The following PAK5 variants were observed in gnomAD, a reference collection of about 807,000 sequenced individuals.
PAK5 encodes serine/threonine-protein kinase PAK 5.
PAK5 carries 16 observed loss-of-function variants against 65.9 expected under a neutral mutation model. The ratio of observed to expected loss-of-function variants is 0.24; its 90% CI spans 0.16 to 0.37. The LOEUF is 0.37. Ranked by LOEUF, PAK5 falls within the 10% of genes least tolerant of loss-of-function variation. The pLI, the probability that PAK5 is intolerant of heterozygous loss-of-function variation, is 1.00. For missense variants in PAK5, 785 were observed against 903.9 expected, an observed-to-expected ratio of 0.87 and a Z score of 1.69; for synonymous variants, 371 against 354.9, an observed-to-expected ratio of 1.05 and a Z score of -0.51.
intron 1 of PAK5, among the ~76,000 whole-genome samples, chr20:9,744,798 G>T (rs2048488043): frequency 6.6e-6 from 1 of 152,078 alleles, no homozygotes; most frequent in African/African-American, 2.4e-5. Context: ...CCTCAGCATG[G>T]TTTCTTGTTT....
intron 2 of PAK5, among the ~76,000 whole-genome samples, chr20:9,701,979 A>G (rs1163807100): frequency 6.6e-6 from 1 of 152,114 alleles, no homozygotes; most frequent in Non-Finnish European, 1.5e-5. Flanking sequence ...CAGCCTGCAC[A>G]ACAGAGAGAC....
chr20:9,837,647 A>G (rs1347849993), intron 1 of PAK5, among the ~76,000 whole-genome samples: 1 of 152,180 alleles, frequency 6.6e-6, no homozygotes, highest in Non-Finnish European at 1.5e-5. Context: ...ATCAGGTAAG[A>G]GAAAGAGTGT....
rs547355570 is a variant in PAK5, at chr20:9,582,967, CT to C, written c.205-2038del. 3.4e-3 allele frequency among the ~76,000 whole-genome samples: 515 copies of C among 152,180 alleles called. 5 individuals carry two copies. The highest frequency in any genetic ancestry group is 0.011 in the African/African-American group (463 of 41,518). On this transcript the variant is annotated intron_variant, in intron 3 of 9. Coordinates refer to ENST00000353224, the MANE Select transcript of PAK5 (RefSeq NM_177990.4). ...CTTTTATTTTTTGAGCACTTCCTTA[CT>C]TTCTGTCCCTACAAGAAGCTCCAGG...
chr20:9,777,795 C>G (rs6039574), intron 1 of PAK5, among the ~76,000 whole-genome samples: 122,792 of 152,200 alleles, frequency 0.81, 49,969 homozygotes, highest in African/African-American at 0.93. Context: ...CAGTGGTGCT[C>G]CTGCTCTTTT....
chr20:9,598,810 T>A (rs956079059), intron 3 of PAK5, among the ~76,000 whole-genome samples: 3 of 152,204 alleles, frequency 2.0e-5, no homozygotes, highest in Non-Finnish European at 4.4e-5. Flanking sequence ...GGGCTGTATG[T>A]TTTTTTCTTT....
At chr20:9,699,201 A>T (rs2047907222) in intron 2 of PAK5, among the ~76,000 whole-genome samples, 1 of 152,114 alleles carries the variant, frequency 6.6e-6, no homozygotes, top group Non-Finnish European at 1.5e-5. Flanking sequence ...CACAGTCCTG[A>T]TTGTAATATT....
chr20:9,621,772 C>T (rs954309991), intron 3 of PAK5, among the ~76,000 whole-genome samples: 1 of 152,194 alleles, frequency 6.6e-6, no homozygotes, highest in African/African-American at 2.4e-5. Flanking sequence ...CAGCCTCATG[C>T]AGCGGGGCCT....
rs1301312497 is a variant in PAK5, at chr20:9,731,209, T to C, written c.-161-19774A>G. On this transcript the variant is annotated intron_variant, in intron 1 of 9. Coordinates refer to ENST00000353224, the MANE Select transcript of PAK5 (RefSeq NM_177990.4). ...TAAAATGTCAAAATTAATAGAACAA[T>C]TTTATAATCACATTATAATCAAATG... Among the ~76,000 whole-genome samples, 3 of 152,210 alleles carry C rather than the reference T, an allele frequency of 2.0e-5. No individual in the cohort carries two copies. In the East Asian group the frequency reaches 5.8e-4, roughly 29 times the overall value.
chr20:9,789,175 A>G (rs2049023785), intron 1 of PAK5, among the ~76,000 whole-genome samples: 1 of 152,192 alleles, frequency 6.6e-6, no homozygotes, highest in Non-Finnish European at 1.5e-5. Flanking sequence ...ACATCTGAAC[A>G]TTTCTGTAAG....
intron 4 of PAK5, among the ~76,000 whole-genome samples, chr20:9,573,718 G>T (rs1436647908): frequency 6.6e-6 from 1 of 152,180 alleles, no homozygotes; most frequent in Non-Finnish European, 1.5e-5. Flanking sequence ...TGTTCTGAGG[G>T]CAGGGGGGCC....
At chr20:9,577,457 T>C (rs536997764) in intron 4 of PAK5, 1 of 152,004 alleles carries the variant, frequency 6.6e-6, no homozygotes, top group South Asian at 2.1e-4. Flanking sequence ...TCTGGAGACC[T>C]ACACAAGTTT....
Position 9,539,254 on chromosome 20 carries a change from A to G in PAK5, c.*208T>C. 1.9e-6 allele frequency: 1 copy of G among 536,288 alleles called. No homozygotes were observed. The highest frequency in any genetic ancestry group is 2.8e-5 in the South Asian group (1 of 35,152). 33.2% of individuals were successfully genotyped at this position (536,288 alleles called of 1,614,324 possible). A position where few individuals can be genotyped will look rare whatever the true frequency, so the allele number is the denominator to read the frequency against. On this transcript the variant is annotated 3_prime_UTR_variant, in exon 10 of 10. Coordinates refer to ENST00000353224, the MANE Select transcript of PAK5 (RefSeq NM_177990.4). ...TAATGACTTATTAAAGCCGTGCTCC[A>G]AGTGACCACACCGGCTGTCAGTGGA... is the stretch of plus-strand genomic sequence containing the variant.
chr20:9,712,176 A>G (rs552463480), intron 1 of PAK5, among the ~76,000 whole-genome samples: 1 of 152,304 alleles, frequency 6.6e-6, no homozygotes, highest in East Asian at 1.9e-4. Context: ...AACATTAAGC[A>G]CAAAAATGTA....
intron 3 of PAK5, among the ~76,000 whole-genome samples, chr20:9,605,351 A>T (rs1167777141): frequency 1.3e-5 from 2 of 152,200 alleles, no homozygotes; most frequent in African/African-American, 4.8e-5. Flanking sequence ...AGGTAAACTC[A>T]GGTGTGTTCA....
intron 1 of PAK5, among the ~76,000 whole-genome samples, chr20:9,713,049 G>C (rs1380209043): frequency 6.6e-6 from 1 of 152,052 alleles, no homozygotes; most frequent in African/African-American, 2.4e-5. Context: ...CTTCTGAACA[G>C]CAAAGGAAAC....
At chr20:9,758,316 C>T (rs994610504) in intron 1 of PAK5, among the ~76,000 whole-genome samples, 5 of 152,064 alleles carry the variant, frequency 3.3e-5, no homozygotes, top group African/African-American at 1.2e-4. Context: ...TTTTACCTCC[C>T]CAACACATGT....
intron 2 of PAK5, among the ~76,000 whole-genome samples, chr20:9,710,437 C>T (rs970129135): frequency 6.6e-5 from 10 of 152,212 alleles, no homozygotes; most frequent in South Asian, 2.1e-4. Flanking sequence ...TGTATTAAAA[C>T]GCAAATAGAC....
At chr20:9,679,776 T>G (rs1485222959) in intron 2 of PAK5, among the ~76,000 whole-genome samples, 5 of 152,190 alleles carry the variant, frequency 3.3e-5, no homozygotes, top group African/African-American at 9.6e-5. Flanking sequence ...TGATTTCAAA[T>G]AAAATCCCAA....
intron 3 of PAK5, among the ~76,000 whole-genome samples, chr20:9,595,021 G>A (rs1408808473): frequency 6.6e-6 from 1 of 151,406 alleles, no homozygotes; most frequent in Non-Finnish European, 1.5e-5. Flanking sequence ...TTAGATATAT[G>A]TATATTTAGG....
Sources: allele counts gnomAD v4.1 joint callset (sites outside exome capture counted in the v4.1 genomes callset), GRCh38; gene constraint gnomAD v4.1.1; transcripts MANE v1.5; gene names NCBI Gene and HGNC (gene_info 2026-07-23, HGNC 2026-07-21).